FOXN3: variants seen among roughly 807,000 people sequenced by gnomAD.
FOXN3 encodes the protein forkhead box N3.
A neutral mutation model predicts 38.4 loss-of-function variants in FOXN3; 7 were observed. That is an observed-to-expected ratio of 0.18 (90% CI 0.10 to 0.34). The LOEUF is 0.34. Ranked by LOEUF, FOXN3 falls within the 10% of genes least tolerant of loss-of-function variation. The pLI is 1.00. For missense variants in FOXN3, 456 were observed against 613.4 expected (o/e 0.74, Z 2.71); for synonymous variants, 230 against 242.2 (o/e 0.95, Z 0.47).
intron 4 of FOXN3, among the ~76,000 whole-genome samples, chr14:89,261,019 T>C (rs766535175): frequency 6.6e-6 from 1 of 152,240 alleles, no homozygotes; most frequent in Non-Finnish European, 1.5e-5. Flanking sequence ...TGTATGTGCA[T>C]GTGTGCGGAC....
intron 3 of FOXN3, among the ~76,000 whole-genome samples, chr14:89,331,187 T>A (rs951553998): frequency 6.6e-6 from 1 of 152,222 alleles, no homozygotes; most frequent in African/African-American, 2.4e-5. Flanking sequence ...TCTGTACACA[T>A]TAAATACTAA....
intron 1 of FOXN3, among the ~76,000 whole-genome samples, chr14:89,445,634 C>A (rs1892476133): frequency 6.6e-6 from 1 of 152,160 alleles, no homozygotes; most frequent in Non-Finnish European, 1.5e-5. Flanking sequence ...AAACTCCAGG[C>A]CTTTTCACAC....
chr14:89,212,939 A>C (rs1884145375), intron 4 of FOXN3, among the ~76,000 whole-genome samples: 1 of 152,198 alleles, frequency 6.6e-6, no homozygotes, highest in Non-Finnish European at 1.5e-5. Flanking sequence ...CAGGTCTTTT[A>C]AGTTGACAAT....
At position 89,540,244 on chromosome 14, in the gene FOXN3, C is replaced by T. The variant is rs908813119; in HGVS notation, c.-15+78784G>A. ...AACAACAAAGGCCAGGAACAAGTGACTGTGGGGTATGTGGTTAGATCAAGA... is the reference window on the plus strand; with the variant it reads ...AACAACAAAGGCCAGGAACAAGTGATTGTGGGGTATGTGGTTAGATCAAGA... On this transcript the variant is annotated intron_variant, in intron 1 of 6. Transcript: ENST00000345097. 2.6e-5 allele frequency among the ~76,000 whole-genome samples: 4 copies of T among 152,180 alleles called. No individual in the cohort carries two copies. In the East Asian group the frequency reaches 7.7e-4, roughly 29 times the overall value.
chr14:89,498,330 C>G (rs980960504), intron 1 of FOXN3, among the ~76,000 whole-genome samples: 1 of 147,418 alleles, frequency 6.8e-6, no homozygotes, highest in African/African-American at 2.6e-5. Context: ...TCAACCAATT[C>G]TCCTGCCTCA....
At chr14:89,570,023 C>T (rs1330338877) in intron 1 of FOXN3, among the ~76,000 whole-genome samples, 4 of 147,562 alleles carry the variant, frequency 2.7e-5, no homozygotes, top group South Asian at 2.1e-4. Flanking sequence ...TTTTTTGAGA[C>T]GGAGTCTCAC....
rs557803867 is a variant in FOXN3 at position 89,201,453 on chromosome 14, G to A, written c.746-20647C>T. 1.8e-3 allele frequency among the ~76,000 whole-genome samples: 270 copies of A among 152,332 alleles called. 1 individual carries two copies. The highest frequency in any genetic ancestry group is 3.9e-3 in the South Asian group (19 of 4,826). ...GAAGCTCACCGCCCAGGAGGGGACTGGAGCCAGCCTCAGGTGCAAGAAGGC... is the reference window on the plus strand; with the variant it reads ...GAAGCTCACCGCCCAGGAGGGGACTAGAGCCAGCCTCAGGTGCAAGAAGGC... On this transcript the variant is annotated intron_variant, in intron 4 of 5. Coordinates refer to ENST00000557258, the MANE Select transcript of FOXN3 (RefSeq NM_005197.4).
intron 4 of FOXN3, among the ~76,000 whole-genome samples, chr14:89,258,673 C>T (rs1473644481): frequency 2.6e-4 from 40 of 152,260 alleles, no homozygotes; most frequent in Non-Finnish European, 2.9e-5. Context: ...TTACAGTGGT[C>T]CCAATTAAAG....
intron 1 of FOXN3, among the ~76,000 whole-genome samples, chr14:89,524,371 C>CAAAAAAAAAAAAAAAAA: frequency 1.5e-4 from 1 of 6,570 alleles, no homozygotes; most frequent in Non-Finnish European, 3.6e-4. Flanking sequence ...GACTCCATCT[C>CAAAAAAAAAAAAAAAAA]AAAAAAAAAA....
intron 3 of FOXN3, among the ~76,000 whole-genome samples, chr14:89,282,090 T>A (rs1182980245): frequency 6.6e-6 from 1 of 152,066 alleles, no homozygotes; most frequent in Non-Finnish European, 1.5e-5. Flanking sequence ...CAATGACACA[T>A]TCTGCCCACT....
rs1388339626 is a variant in FOXN3 at position 89,180,840 on chromosome 14, T to C, written c.746-34A>G. 6 of 1,527,316 alleles carry C rather than the reference T, an allele frequency of 3.9e-6. No individual in the cohort carries two copies. The Admixed American group carries it at 5.5e-5, about 14-fold the overall frequency. 94.6% of individuals were successfully genotyped at this position (1,527,316 alleles called of 1,614,324 possible). ...GCAAAGGGGAGAAAGACACCGCACG[T>C]GAATTCAACTGTGAAGATTTCCGTT... On this transcript the variant is annotated intron_variant, in intron 4 of 5. Coordinates refer to ENST00000557258, the MANE Select transcript of FOXN3 (RefSeq NM_005197.4).
intron 3 of FOXN3, among the ~76,000 whole-genome samples, chr14:89,313,522 C>T (rs1379599326): frequency 6.6e-6 from 1 of 150,770 alleles, no homozygotes; most frequent in East Asian, 1.9e-4. Flanking sequence ...CATGGCACTG[C>T]ATCCAGCCTG....
At chr14:89,391,816 G>T (rs1890955679) in intron 2 of FOXN3, among the ~76,000 whole-genome samples, 1 of 152,106 alleles carries the variant, frequency 6.6e-6, no homozygotes, top group East Asian at 1.9e-4. Context: ...ACCAACCTGG[G>T]CAACATGGCC....
chr14:89,516,400 G>A (rs999698819), intron 1 of FOXN3, among the ~76,000 whole-genome samples: 4 of 152,070 alleles, frequency 2.6e-5, no homozygotes, highest in Admixed American at 1.3e-4. Flanking sequence ...ATGAACACAC[G>A]TGGTATTCTA....
chr14:89,407,194 A>C (rs1891414814), intron 2 of FOXN3, among the ~76,000 whole-genome samples: 1 of 152,196 alleles, frequency 6.6e-6, no homozygotes, highest in Non-Finnish European at 1.5e-5. Context: ...GAAGCAAGTT[A>C]CACGAAATCA....
chr14:89,580,549 T>C (rs1259685085), intron 1 of FOXN3, among the ~76,000 whole-genome samples: 1 of 152,036 alleles, frequency 6.6e-6, no homozygotes, highest in East Asian at 1.9e-4. Flanking sequence ...AGGATGGAAA[T>C]AGTTCGTTTC....
rs34194637 is a variant in FOXN3, at chr14:89,533,661, CAAAAAAAAAAAAAA to C, written c.-15+85353_-15+85366del. On this transcript the variant is annotated intron_variant, in intron 1 of 6. Transcript: ENST00000345097. The stretch of plus-strand genomic sequence containing the variant: ...TGGGTGACAGAGGGAGACTCTGTCT[CAAAAAAAAAAAAAA>C]AAAAAAAAAAAAAAAAAGTTAGTGA... Among the ~76,000 whole-genome samples, 13 of 65,918 alleles carry C rather than the reference CAAAAAAAAAAAAAA, an allele frequency of 2.0e-4. No homozygotes were observed. The East Asian group carries it at 2.2e-3, about 11-fold the overall frequency. The allele number at this position is 65,918 out of a possible 152,430, so 43.2% of individuals were successfully genotyped here.
intron 4 of FOXN3, among the ~76,000 whole-genome samples, chr14:89,207,490 T>C (rs1888415575): frequency 6.6e-6 from 1 of 152,180 alleles, no homozygotes; most frequent in Admixed American, 6.5e-5. Context: ...AAATACGTAA[T>C]GAAATACATA....
In FOXN3 at chr14:89,161,083, G is replaced by C. The variant is rs1309501746; in HGVS notation, c.*1331C>G. 1 of 152,196 alleles carries C rather than the reference G, an allele frequency of 6.6e-6. No individual in the cohort carries two copies. The highest frequency in any genetic ancestry group is 1.5e-5 in the Non-Finnish European group (1 of 67,962). The allele number at this position is 152,196 out of a possible 1,614,324, so 9.4% of individuals were successfully genotyped here. ...GCTAAATACATTATTTACCTTACAA[G>C]AACTTTGTTACTTTTGAATAAAAAA... On this transcript the variant is annotated 3_prime_UTR_variant, in exon 6 of 6. Coordinates refer to ENST00000557258, the MANE Select transcript of FOXN3 (RefSeq NM_005197.4).
Sources: gnomAD v4.1 joint callset for allele counts (sites outside exome capture counted in the v4.1 genomes callset) on GRCh38, gnomAD v4.1.1 for gene constraint, MANE v1.5 for transcripts, NCBI Gene and HGNC (gene_info 2026-07-23, HGNC 2026-07-21) for gene names.